The following SP140 variants were observed in gnomAD, a reference collection of about 807,000 sequenced individuals.
SP140 encodes nuclear body protein SP140.
SP140 carries 81 observed loss-of-function variants against 125.0 expected under a neutral mutation model. The observed-to-expected ratio is 0.65, with a 90% CI of 0.54 to 0.78. SP140 has a LOEUF of 0.78. SP140 is among the 30% of genes least tolerant of loss of function. The pLI, the probability that SP140 is intolerant of heterozygous loss-of-function variation, is 0.00. For synonymous variants in SP140, 312 were observed against 354.0 expected (o/e 0.88, Z 1.33); for missense variants, 858 against 1,037.0 (o/e 0.83, Z 2.37).
chr2:230,192,652 C>T, the SP140 span, among the ~76,000 whole-genome samples: 1 of 152,180 alleles, frequency 6.6e-6, no homozygotes, highest in African/African-American at 2.4e-5. Flanking sequence ...AATGGAAAAA[C>T]ATTCCATCTT....
chr2:230,241,961 A>G (rs2048787497), intron 4 of SP140, among the ~76,000 whole-genome samples: 1 of 152,146 alleles, frequency 6.6e-6, no homozygotes, highest in Non-Finnish European at 1.5e-5. Context: ...ACAGTCCAAG[A>G]GGGGAGTTTG....
At chr2:230,235,849 G>C (rs1451722550) in intron 1 of SP140, among the ~76,000 whole-genome samples, 2 of 146,734 alleles carry the variant, frequency 1.4e-5, no homozygotes, top group Admixed American at 6.8e-5. Flanking sequence ...ACCAGAGAAA[G>C]AGTGATTTTC....
At chr2:230,248,086 G>A in intron 8 of SP140, 21 bp downstream of exon 8, 1 of 1,611,422 alleles carries the variant, frequency 6.2e-7, no homozygotes, top group South Asian at 1.1e-5. Flanking sequence ...AAGAAGCAGA[G>A]ACATGTGTCA....
intron 3 of SP140, among the ~76,000 whole-genome samples, chr2:230,218,524 G>T (rs1180985672): frequency 1.3e-5 from 2 of 152,186 alleles, no homozygotes; most frequent in African/African-American, 4.8e-5. Flanking sequence ...GAGAAAGGCA[G>T]AGTAAACATA....
chr2:230,282,637 A>C (rs2055760084), intron 15 of SP140, among the ~76,000 whole-genome samples: 1 of 152,188 alleles, frequency 6.6e-6, no homozygotes, highest in African/African-American at 2.4e-5. Context: ...GTATCTACAC[A>C]CACACACGTA....
At chr2:230,215,398 G>A (rs1173547269) in intron 3 of SP140, among the ~76,000 whole-genome samples, 6 of 152,168 alleles carry the variant, frequency 3.9e-5, no homozygotes, top group Non-Finnish European at 7.3e-5. Flanking sequence ...CATTTGAGAC[G>A]AGAGAAATTT....
intron 3 of SP140, chr2:230,217,077 C>A (rs1044062749): frequency 1.6e-6 from 1 of 629,722 alleles, no homozygotes; most frequent in Non-Finnish European, 2.8e-6. Flanking sequence ...GAAACTCTGT[C>A]TCTACTAAAA....
At chr2:230,245,216 G>T in intron 6 of SP140, 136 bp downstream of exon 6, 1 of 602,872 alleles carries the variant, frequency 1.7e-6, no homozygotes, top group Non-Finnish European at 2.9e-6. Flanking sequence ...CCCCAGGTGT[G>T]TGGGAGGCAA....
At chr2:230,236,274 ATACATCTCCTT>A (rs1317289899) in intron 1 of SP140, among the ~76,000 whole-genome samples, 1 of 152,140 alleles carries the variant, frequency 6.6e-6, no homozygotes, top group African/African-American at 2.4e-5. Context: ...GATGGAGGAG[ATACATCTCCTT>A]TACATCTCCT....
intron 5 of SP140, 121 bp from the exon 6 acceptor site, chr2:230,244,867 G>A (rs531657106): frequency 1.4e-5 from 9 of 638,106 alleles, no homozygotes; most frequent in African/African-American, 7.3e-5. Flanking sequence ...GGGCTCAGGC[G>A]AGGTCCTTGG....
At chr2:230,194,943 G>A in the SP140 span, among the ~76,000 whole-genome samples, 116,167 of 151,964 alleles carry the variant, frequency 0.76, 44,535 homozygotes, top group Admixed American at 0.83. Context: ...GGGGCTGGCT[G>A]TGCTCCAGGC....
chr2:230,217,404 A>G (rs1340097472), intron 3 of SP140, among the ~76,000 whole-genome samples: 1 of 152,196 alleles, frequency 6.6e-6, no homozygotes, highest in African/African-American at 2.4e-5. Context: ...GGGTATAGGA[A>G]ACAAGGACAA....
intron 20 of SP140, among the ~76,000 whole-genome samples, chr2:230,293,647 T>G (rs771109714): frequency 3.8e-4 from 58 of 152,200 alleles, no homozygotes; most frequent in Admixed American, 9.8e-4. Context: ...TAAAACAGTA[T>G]TTTAGACAGC....
At chr2:230,261,237 G>A (rs1261497137) in intron 12 of SP140, among the ~76,000 whole-genome samples, 1 of 152,042 alleles carries the variant, frequency 6.6e-6, no homozygotes, top group Non-Finnish European at 1.5e-5. Flanking sequence ...TTGAGTTCTT[G>A]ATTTGATTCT....
At chr2:230,210,153 G>A (rs764784974) in intron 1 of SP140, 69 of 732,672 alleles carry the variant, frequency 9.4e-5, no homozygotes, top group Non-Finnish European at 1.4e-4. Flanking sequence ...CCCTGGCTCT[G>A]TCTTGATTTT....
chr2:230,297,542 T>C, intron 22 of SP140, 80 bp downstream of exon 22: 2 of 1,513,040 alleles, frequency 1.3e-6, no homozygotes, highest in Non-Finnish European at 1.8e-6. Flanking sequence ...ATGACTGCTG[T>C]TGCCTGAATC....
At position 230,312,863 on chromosome 2, in the gene SP140, C is replaced by A. The variant is rs2059432245; in HGVS notation, c.*179C>A. 1 of 524,912 alleles carries A rather than the reference C, an allele frequency of 1.9e-6. No homozygotes were observed. The allele number at this position is 524,912 out of a possible 1,614,324, so 32.5% of individuals were successfully genotyped here. A position where few individuals can be genotyped will look rare whatever the true frequency, so the allele number is the denominator to read the frequency against. The stretch of plus-strand genomic sequence containing the variant: ...AAAAGGAAATTCAATCATCATGAAT[C>A]ACAACCCCAAGTATCTCATCAGCCA... On this transcript the variant is annotated 3_prime_UTR_variant, in exon 27 of 27. Coordinates refer to ENST00000392045, the MANE Select transcript of SP140 (RefSeq NM_007237.5).
intron 1 of SP140, among the ~76,000 whole-genome samples, chr2:230,236,559 T>G (rs578064416): frequency 4.6e-5 from 7 of 152,246 alleles, no homozygotes; most frequent in Non-Finnish European, 8.8e-5. Context: ...CCAGTCTGAA[T>G]GCAGTCTACT....
At chr2:230,283,593 C>T (rs1485860721) in intron 15 of SP140, among the ~76,000 whole-genome samples, 8 of 152,274 alleles carry the variant, frequency 5.3e-5, no homozygotes, top group Admixed American at 1.3e-4. Flanking sequence ...GGTCACTATC[C>T]AGGAAGGAGA....
Sources: allele counts gnomAD v4.1 joint callset (sites outside exome capture counted in the v4.1 genomes callset), GRCh38; gene constraint gnomAD v4.1.1; transcripts MANE v1.5; gene names NCBI Gene and HGNC (gene_info 2026-07-23, HGNC 2026-07-21).